The following SLC35F1 variants were observed in gnomAD, a reference collection of about 807,000 sequenced individuals.
SLC35F1 encodes solute carrier family 35 member F1.
Under a neutral mutation model 48.7 loss-of-function variants are expected in SLC35F1, and 14 were observed. The observed-to-expected ratio is 0.29, with a 90% CI of 0.19 to 0.45. SLC35F1 has a LOEUF of 0.45. Ranked by LOEUF, SLC35F1 falls within the 20% of genes least tolerant of loss-of-function variation. The pLI is 1.00. For missense variants in SLC35F1, 404 were observed against 500.0 expected (o/e 0.81, Z 1.83); for synonymous variants, 190 against 202.2 (o/e 0.94, Z 0.51).
chr6:117,992,350 AT>A (rs1562257754), intron 1 of SLC35F1, among the ~76,000 whole-genome samples: 1 of 152,196 alleles, frequency 6.6e-6, no homozygotes, highest in African/African-American at 2.4e-5. Context: ...ATGATTCTGT[AT>A]TCTTTATTAA....
chr6:118,118,050 A>G (rs1773497685), intron 1 of SLC35F1, among the ~76,000 whole-genome samples: 1 of 152,180 alleles, frequency 6.6e-6, no homozygotes, highest in African/African-American at 2.4e-5. Context: ...ATTAACATAT[A>G]CAATTTTGTG....
intron 2 of SLC35F1, among the ~76,000 whole-genome samples, chr6:118,190,749 C>T (rs1774721498): frequency 1.3e-5 from 2 of 152,094 alleles, no homozygotes; most frequent in African/African-American, 4.8e-5. Context: ...CAGTATGCTC[C>T]TTACCCAGAG....
At chr6:118,281,200 C>CTATATATATATATATATATA (rs756821926) in intron 6 of SLC35F1, among the ~76,000 whole-genome samples, 1 of 119,964 alleles carries the variant, frequency 8.3e-6, no homozygotes, top group African/African-American at 3.1e-5. Flanking sequence ...CTCTCTCTCT[C>CTATATATATATATATATATA]TCTCTATATA....
intron 1 of SLC35F1, among the ~76,000 whole-genome samples, chr6:117,963,883 C>A (rs575884760): frequency 2.0e-5 from 3 of 152,042 alleles, no homozygotes; most frequent in South Asian, 4.1e-4. Flanking sequence ...GGTAAACATG[C>A]GCCATGGTGG....
intron 1 of SLC35F1, among the ~76,000 whole-genome samples, chr6:118,119,566 G>A (rs1185659601): frequency 7.3e-6 from 1 of 136,782 alleles, no homozygotes; most frequent in East Asian, 2.1e-4. Context: ...GTGTAATGGC[G>A]TATTTCGGCT....
At chr6:117,947,498 A>G (rs1342657239) in intron 1 of SLC35F1, among the ~76,000 whole-genome samples, 2 of 152,190 alleles carry the variant, frequency 1.3e-5, no homozygotes, top group Non-Finnish European at 2.9e-5. Context: ...TGCTGTAAAG[A>G]AGAGACAGTC....
At chr6:118,270,520 G>T (rs1356809470) in intron 4 of SLC35F1, among the ~76,000 whole-genome samples, 1 of 152,140 alleles carries the variant, frequency 6.6e-6, no homozygotes, top group Non-Finnish European at 1.5e-5. Flanking sequence ...CAGCACTTAT[G>T]TTCTCATTCT....
chr6:118,312,159 A>G (rs149045030), intron 7 of SLC35F1, among the ~76,000 whole-genome samples: 58 of 152,332 alleles, frequency 3.8e-4, no homozygotes, highest in African/African-American at 1.3e-3. Flanking sequence ...CTCTACCTCC[A>G]TATGCTGTAG....
intron 3 of SLC35F1, among the ~76,000 whole-genome samples, chr6:118,264,600 G>C (rs1775749893): frequency 1.3e-5 from 2 of 152,170 alleles, no homozygotes; most frequent in South Asian, 4.1e-4. Context: ...GCTCACTTCA[G>C]CTCTCCTCAA....
intron 1 of SLC35F1, among the ~76,000 whole-genome samples, chr6:118,129,133 A>G (rs1216409768): frequency 6.6e-6 from 1 of 152,230 alleles, no homozygotes; most frequent in African/African-American, 2.4e-5. Context: ...TGTCTAGTTG[A>G]GAAAACACAT....
chr6:118,062,655 T>C (rs1171970829), intron 1 of SLC35F1, among the ~76,000 whole-genome samples: 2 of 152,210 alleles, frequency 1.3e-5, no homozygotes, highest in Admixed American at 6.6e-5. Flanking sequence ...TGAGATTTTT[T>C]AGTACAGTAC....
intron 1 of SLC35F1, among the ~76,000 whole-genome samples, chr6:118,003,012 A>G (rs1777124908): frequency 6.6e-6 from 1 of 152,190 alleles, no homozygotes; most frequent in African/African-American, 2.4e-5. Flanking sequence ...TCTGCACACA[A>G]TATCTAGATT....
At chr6:117,975,418 G>A (rs1239675783) in intron 1 of SLC35F1, among the ~76,000 whole-genome samples, 1 of 152,196 alleles carries the variant, frequency 6.6e-6, no homozygotes, top group Non-Finnish European at 1.5e-5. Context: ...GGATTGGCTG[G>A]CAGCATCCCA....
chr6:117,964,885 TCTGA>T (rs1361149906), intron 1 of SLC35F1, among the ~76,000 whole-genome samples: 1 of 152,230 alleles, frequency 6.6e-6, no homozygotes, highest in Non-Finnish European at 1.5e-5. Context: ...AATTCATTTC[TCTGA>T]CTGACTAAAG....
chr6:118,168,468 A>T (rs975972029), intron 2 of SLC35F1, among the ~76,000 whole-genome samples: 3 of 152,192 alleles, frequency 2.0e-5, no homozygotes, highest in Admixed American at 6.5e-5. Context: ...CAATTATAAC[A>T]ATATACTGTA....
chr6:118,219,757 T>G (rs1359791726), intron 2 of SLC35F1, among the ~76,000 whole-genome samples: 2 of 152,106 alleles, frequency 1.3e-5, no homozygotes, highest in African/African-American at 2.4e-5. Flanking sequence ...AGCAAAGACT[T>G]GGAACCAACC....
chr6:118,172,744 T>A (rs1774424968), intron 2 of SLC35F1, among the ~76,000 whole-genome samples: 1 of 152,160 alleles, frequency 6.6e-6, no homozygotes, highest in Non-Finnish European at 1.5e-5. Context: ...GTAATTGTGG[T>A]TGTTTCATTA....
chr6:118,059,234 A>G (rs1313741302), intron 1 of SLC35F1, among the ~76,000 whole-genome samples: 2 of 152,226 alleles, frequency 1.3e-5, no homozygotes, highest in Non-Finnish European at 2.9e-5. Context: ...GAGTTCATGT[A>G]GAAGAATGGC....
At chr6:117,921,053 G>GACACACAC (rs60793418) in intron 1 of SLC35F1, among the ~76,000 whole-genome samples, 8 of 149,392 alleles carry the variant, frequency 5.4e-5, no homozygotes, top group African/African-American at 2.0e-4. Context: ...ATTTCTCTTT[G>GACACACAC]ACACACACAC....
Sources: allele counts gnomAD v4.1 joint callset (sites outside exome capture counted in the v4.1 genomes callset), GRCh38; gene constraint gnomAD v4.1.1; transcripts MANE v1.5; gene names NCBI Gene and HGNC (gene_info 2026-07-23, HGNC 2026-07-21).